PCDH7: variants seen among roughly 807,000 people sequenced by gnomAD.
PCDH7 encodes the protein protocadherin 7.
PCDH7 carries 17 observed loss-of-function variants against 58.9 expected under a neutral mutation model. The ratio of observed to expected loss-of-function variants is 0.29; its 90% CI spans 0.20 to 0.43. The LOEUF (loss-of-function observed/expected upper bound fraction) is 0.43, where lower values mean the gene tolerates loss of function less well. Among genes scored for constraint, PCDH7 ranks in the 20% least tolerant of loss-of-function variants. The pLI is 1.00. For missense variants in PCDH7, 1,274 were observed against 1,441.0 expected, an observed-to-expected ratio of 0.88 and a Z score of 1.88; for synonymous variants, 664 against 616.4, an observed-to-expected ratio of 1.08 and a Z score of -1.14.
chr4:31,054,396 C>T (rs1756987928), intron 3 of PCDH7, among the ~76,000 whole-genome samples: 1 of 152,102 alleles, frequency 6.6e-6, no homozygotes, highest in South Asian at 2.1e-4. Flanking sequence ...TTAGTACGTC[C>T]CAAAAGGGTT....
intron 3 of PCDH7, among the ~76,000 whole-genome samples, chr4:30,973,596 T>A (rs1011012136): frequency 1.1e-4 from 16 of 152,168 alleles, no homozygotes; most frequent in Admixed American, 9.2e-4. Context: ...GGGAGGATAA[T>A]GATGGTAATA....
At chr4:30,840,241 GCATT>G (rs1289413135) in intron 1 of PCDH7, among the ~76,000 whole-genome samples, 1 of 151,962 alleles carries the variant, frequency 6.6e-6, no homozygotes, top group Non-Finnish European at 1.5e-5. Context: ...TGCTGTCTTA[GCATT>G]TCCACTTGAC....
At chr4:30,830,069 C>T (rs1001356536) in intron 1 of PCDH7, among the ~76,000 whole-genome samples, 1 of 152,006 alleles carries the variant, frequency 6.6e-6, no homozygotes, top group Non-Finnish European at 1.5e-5. Context: ...TGTTTAATAG[C>T]AATCTTTTCT....
At chr4:31,104,239 G>C (rs1715262327) in intron 3 of PCDH7, among the ~76,000 whole-genome samples, 1 of 152,146 alleles carries the variant, frequency 6.6e-6, no homozygotes. Context: ...CACCCAGAAT[G>C]GTGACTAACA....
intron 1 of PCDH7, among the ~76,000 whole-genome samples, chr4:30,913,453 A>G (rs1045164147): frequency 2.6e-5 from 4 of 152,058 alleles, no homozygotes; most frequent in Non-Finnish European, 5.9e-5. Context: ...AAATATGTGG[A>G]CTTAACTTTC....
chr4:30,794,101 T>C (rs754271247), intron 1 of PCDH7: 3 of 152,186 alleles, frequency 2.0e-5, no homozygotes, highest in Non-Finnish European at 4.4e-5. Flanking sequence ...GTCTTTATCA[T>C]GTGAGATAGA....
At chr4:31,090,564 T>C (rs1030759452) in intron 3 of PCDH7, among the ~76,000 whole-genome samples, 19 of 152,246 alleles carry the variant, frequency 1.2e-4, no homozygotes, top group African/African-American at 4.3e-4. Flanking sequence ...CCTTGTAAAC[T>C]GTCTTTAATA....
At chr4:31,077,287 T>C (rs1759081635) in intron 3 of PCDH7, among the ~76,000 whole-genome samples, 1 of 151,084 alleles carries the variant, frequency 6.6e-6, no homozygotes, top group African/African-American at 2.4e-5. Context: ...TGCATGCCTG[T>C]AATCCCAACT....
intron 1 of PCDH7, among the ~76,000 whole-genome samples, chr4:30,855,186 G>T (rs1026212175): frequency 6.6e-6 from 1 of 152,148 alleles, no homozygotes; most frequent in Non-Finnish European, 1.5e-5. Context: ...CAGCACTATT[G>T]CTGGATAATG....
chr4:30,912,523 C>T (rs937136131), intron 1 of PCDH7, among the ~76,000 whole-genome samples: 1 of 152,100 alleles, frequency 6.6e-6, no homozygotes, highest in South Asian at 2.1e-4. Context: ...AATAAAAAAG[C>T]CTTTTCAGCC....
intron 1 of PCDH7, among the ~76,000 whole-genome samples, chr4:30,830,294 GTAAAA>G (rs1483921705): frequency 4.6e-5 from 7 of 152,062 alleles, no homozygotes; most frequent in Non-Finnish European, 8.8e-5. Flanking sequence ...TTTAAAAAAA[GTAAAA>G]TAAATTATTC....
At chr4:31,012,204 T>C (rs1273116438) in intron 3 of PCDH7, among the ~76,000 whole-genome samples, 3 of 151,776 alleles carry the variant, frequency 2.0e-5, no homozygotes. Context: ...ATGTGGAAAA[T>C]ACAAAAGAAA....
chr4:30,812,140 T>A (rs555260252), intron 1 of PCDH7, among the ~76,000 whole-genome samples: 1 of 152,308 alleles, frequency 6.6e-6, no homozygotes, highest in East Asian at 1.9e-4. Flanking sequence ...AATTAAAGCT[T>A]TACAACTAGA....
chr4:31,088,851 A>G (rs920623423), intron 3 of PCDH7, among the ~76,000 whole-genome samples: 21 of 152,100 alleles, frequency 1.4e-4, no homozygotes, highest in Admixed American at 1.4e-3. Context: ...GTAGAGTGTA[A>G]TAAAAGCTCC....
chr4:30,881,095 G>A lies in PCDH7; in HGVS notation c.71-39058G>A, dbSNP rs1036719298. 2.0e-5 allele frequency among the ~76,000 whole-genome samples: 3 copies of A among 152,082 alleles called. No homozygotes were observed. The East Asian group carries it at 5.8e-4, about 29-fold the overall frequency. Reference sequence around the variant, plus strand: ...GAATCAAATTTGTTGAACAGTATGAGATGGACTTATAGAACATCTCCTCAG... The same window carrying A: ...GAATCAAATTTGTTGAACAGTATGAAATGGACTTATAGAACATCTCCTCAG... On this transcript the variant is annotated intron_variant, in intron 1 of 3. Coordinates refer to the PCDH7 transcript ENST00000509759.
intron 1 of PCDH7, chr4:30,884,779 G>A (rs1209924667): frequency 1.3e-5 from 2 of 152,144 alleles, no homozygotes; most frequent in Non-Finnish European, 1.5e-5. Flanking sequence ...GTTTAATGTG[G>A]GGTGGGGTAT....
At chr4:30,741,670 A>G (rs1221582111) in intron 1 of PCDH7, among the ~76,000 whole-genome samples, 1 of 152,232 alleles carries the variant, frequency 6.6e-6, no homozygotes. Flanking sequence ...ACTTAGAGGC[A>G]AGTAACTCTG....
chr4:30,978,456 A>G (rs1750265969), intron 3 of PCDH7, among the ~76,000 whole-genome samples: 1 of 152,234 alleles, frequency 6.6e-6, no homozygotes, highest in African/African-American at 2.4e-5. Context: ...ATCAGAAGAA[A>G]GTAAACATGC....
exon 2 of PCDH7, chr4:30,730,947 C>T (rs866098856): frequency 3.1e-6 from 4 of 1,306,370 alleles, no homozygotes; most frequent in African/African-American, 3.0e-5. Flanking sequence ...TTCTCATATA[C>T]AGAAAAATAG....
Sources: allele counts gnomAD v4.1 joint callset (sites outside exome capture counted in the v4.1 genomes callset), GRCh38; gene constraint gnomAD v4.1.1; transcripts MANE v1.5; gene names NCBI Gene and HGNC (gene_info 2026-07-23, HGNC 2026-07-21).